PPFIA2: variants seen among roughly 807,000 people sequenced by gnomAD.
PPFIA2 encodes the protein PPFI scaffold protein A2.
In PPFIA2, 46 loss-of-function variants were observed where a neutral mutation model predicts 175.5. The ratio of observed to expected loss-of-function variants is 0.26; its 90% CI spans 0.21 to 0.34. The LOEUF (loss-of-function observed/expected upper bound fraction) is 0.34, where lower values mean the gene tolerates loss of function less well. PPFIA2 is among the 10% of genes least tolerant of loss of function. PPFIA2 has a pLI of 1.00. For missense variants in PPFIA2, 1,179 were observed against 1,506.1 expected (o/e 0.78, Z 3.60); for synonymous variants, 568 against 511.4 (o/e 1.11, Z -1.49).
chr12:81,327,181 T>A (rs1274626593), intron 21 of PPFIA2, among the ~76,000 whole-genome samples: 1 of 152,152 alleles, frequency 6.6e-6, no homozygotes, highest in Non-Finnish European at 1.5e-5. Flanking sequence ...TATAATTTTT[T>A]AAAAGTCTCC....
At chr12:81,490,569 G>C (rs932869805) in intron 4 of PPFIA2, among the ~76,000 whole-genome samples, 1 of 151,918 alleles carries the variant, frequency 6.6e-6, no homozygotes, top group Non-Finnish European at 1.5e-5. Context: ...CTCCTATGGC[G>C]TTCTGGATGC....
At chr12:81,273,234 C>G (rs1203335137) in intron 28 of PPFIA2, among the ~76,000 whole-genome samples, 1 of 152,012 alleles carries the variant, frequency 6.6e-6, no homozygotes, top group Admixed American at 6.6e-5. Flanking sequence ...AATGGTCAGT[C>G]TTACTTATTT....
At chr12:81,514,575 T>C (rs1357715369) in intron 4 of PPFIA2, among the ~76,000 whole-genome samples, 1 of 151,888 alleles carries the variant, frequency 6.6e-6, no homozygotes, top group Non-Finnish European at 1.5e-5. Context: ...TTATACTGTA[T>C]CCACATGCAA....
At chr12:81,593,326 C>T (rs909448756) in intron 4 of PPFIA2, among the ~76,000 whole-genome samples, 2 of 152,078 alleles carry the variant, frequency 1.3e-5, no homozygotes, top group African/African-American at 4.8e-5. Flanking sequence ...GTATCTGTTA[C>T]ATATTTTTAA....
At chr12:81,721,657 AG>A (rs1397137739) in intron 3 of PPFIA2, among the ~76,000 whole-genome samples, 1 of 151,274 alleles carries the variant, frequency 6.6e-6, no homozygotes, top group Non-Finnish European at 1.5e-5. Context: ...AGTGACTAAA[AG>A]TTTACGATGA....
intron 4 of PPFIA2, among the ~76,000 whole-genome samples, chr12:81,488,571 C>T (rs1276488308): frequency 6.6e-6 from 1 of 151,788 alleles, no homozygotes; most frequent in African/African-American, 2.4e-5. Flanking sequence ...GCCTTACAGC[C>T]TACTCTTAAG....
intron 16 of PPFIA2, among the ~76,000 whole-genome samples, chr12:81,355,563 T>C (rs577830108): frequency 2.0e-5 from 3 of 152,226 alleles, no homozygotes; most frequent in African/African-American, 7.2e-5. Flanking sequence ...GGTGGTTTCA[T>C]CTACATTGAA....
intron 8 of PPFIA2, among the ~76,000 whole-genome samples, chr12:81,400,099 G>A (rs1177406020): frequency 1.3e-5 from 2 of 152,238 alleles, no homozygotes; most frequent in Non-Finnish European, 2.9e-5. Flanking sequence ...TGTGATAAAT[G>A]ATGTTTATTA....
intron 3 of PPFIA2, among the ~76,000 whole-genome samples, chr12:81,728,880 G>A (rs1958342020): frequency 6.6e-6 from 1 of 151,570 alleles, no homozygotes; most frequent in South Asian, 2.1e-4. Context: ...TGAGAGATAG[G>A]TGGACAGATG....
At chr12:81,647,271 A>C (rs1427956943) in intron 4 of PPFIA2, among the ~76,000 whole-genome samples, 2 of 152,190 alleles carry the variant, frequency 1.3e-5, no homozygotes, top group Admixed American at 1.3e-4. Flanking sequence ...ATCCACACTG[A>C]AGCATATTGA....
rs972055696 is a variant in PPFIA2, at chr12:81,758,818, C to G, written c.-110-311G>C. ...CGGGGCGGAGACCGGAGACCGGGGA[C>G]TGGGTTTGACTTTCAGAAACTTAAC... On this transcript the variant is annotated intron_variant, in intron 1 of 32. Transcript: ENST00000549396. The G allele has an allele frequency of 3.8e-5, 6 of 159,560 alleles. No homozygotes were observed. In the Admixed American group the frequency reaches 3.8e-4, roughly 10 times the overall value. The allele number at this position is 159,560 out of a possible 1,614,324, so 9.9% of individuals were successfully genotyped here.
chr12:81,345,927 T>G (rs971353036), intron 18 of PPFIA2, among the ~76,000 whole-genome samples: 1 of 152,150 alleles, frequency 6.6e-6, no homozygotes, highest in Non-Finnish European at 1.5e-5. Flanking sequence ...GTGGAATCAG[T>G]TCTGATTAGC....
chr12:81,296,136 T>C (rs2046385870), intron 23 of PPFIA2, among the ~76,000 whole-genome samples: 2 of 151,934 alleles, frequency 1.3e-5, no homozygotes, highest in Non-Finnish European at 2.9e-5. Context: ...TGAAACTCTG[T>C]CTCTACTAAA....
Position 81,294,850 on chromosome 12 carries a change from A to C in PPFIA2, c.2910T>G (p.Pro970=), listed in dbSNP as rs775120635. The C allele has an allele frequency of 2.8e-5, 45 of 1,613,030 alleles. No individual in the cohort carries two copies. Among genetic ancestry groups the C allele is most frequent in the Non-Finnish European group, 3.6e-5 (42 of 1,179,484 alleles). The change falls in exon 24 of 33, where the codon CCT becomes CCG. Residue 970 remains proline, a synonymous_variant. Coordinates refer to ENST00000549396, the MANE Select transcript of PPFIA2 (RefSeq NM_003625.5). ...EMVSLTSPSA[P]PTSRTPSGNV... is the part of the protein sequence containing the mutation. ...ACTGACTCACAGTTCGAGATGTTGG[A>C]GGAGCTGAAGGACTTGTTAGGGAAA...
At chr12:81,278,142 A>G (rs2041037992) in intron 27 of PPFIA2, among the ~76,000 whole-genome samples, 1 of 152,212 alleles carries the variant, frequency 6.6e-6, no homozygotes, top group African/African-American at 2.4e-5. Context: ...TTATACATGG[A>G]GAAAAGGGCA....
At chr12:81,461,154 A>G (rs2054472154) in intron 4 of PPFIA2, among the ~76,000 whole-genome samples, 1 of 152,130 alleles carries the variant, frequency 6.6e-6, no homozygotes, top group Admixed American at 6.6e-5. Context: ...TTACAGAACA[A>G]TAGCAACTAT....
chr12:81,465,507 T>C (rs2055444819), intron 4 of PPFIA2, among the ~76,000 whole-genome samples: 1 of 152,210 alleles, frequency 6.6e-6, no homozygotes, highest in Admixed American at 6.6e-5. Context: ...AAATGCTTTT[T>C]TTATAATGAC....
chr12:81,640,066 A>G (rs777056693), intron 4 of PPFIA2, among the ~76,000 whole-genome samples: 7 of 152,172 alleles, frequency 4.6e-5, no homozygotes, highest in Non-Finnish European at 8.8e-5. Flanking sequence ...CGGAAAACTT[A>G]GCTGTATTTA....
intron 4 of PPFIA2, among the ~76,000 whole-genome samples, chr12:81,584,914 TA>T (rs1265101892): frequency 8.3e-6 from 1 of 120,768 alleles, no homozygotes; most frequent in African/African-American, 3.2e-5. Context: ...ATATATTATA[TA>T]TTAATTATAT....
Sources: gnomAD v4.1 joint callset for allele counts (sites outside exome capture counted in the v4.1 genomes callset) on GRCh38, gnomAD v4.1.1 for gene constraint, MANE v1.5 for transcripts, NCBI Gene and HGNC (gene_info 2026-07-23, HGNC 2026-07-21) for gene names.